Variants in PGAP1 observed in about 807,000 individuals in gnomAD.
PGAP1 encodes GPI inositol-deacylase.
A neutral mutation model predicts 127.0 loss-of-function variants in PGAP1; 76 were observed. The observed-to-expected ratio is 0.60, with a 90% confidence interval of 0.50 to 0.72. The LOEUF is 0.72. Among genes scored for constraint, PGAP1 ranks in the 30% least tolerant of loss-of-function variants. PGAP1 has a pLI of 0.00. For missense variants in PGAP1, 982 were observed against 1,071.3 expected (o/e 0.92, Z 1.16); for synonymous variants, 362 against 366.5 (o/e 0.99, Z 0.14).
intron 20 of PGAP1, among the ~76,000 whole-genome samples, chr2:196,853,424 C>T (rs963319498): frequency 1.3e-5 from 2 of 152,148 alleles, no homozygotes; most frequent in Non-Finnish European, 2.9e-5. Context: ...TTTACTTTTT[C>T]TAAGAGCCAC....
At chr2:196,845,044 A>G (rs57998611) in intron 23 of PGAP1, among the ~76,000 whole-genome samples, 18,279 of 151,750 alleles carry the variant, frequency 0.12, 1,503 homozygotes, top group African/African-American at 0.24. Flanking sequence ...ATAAGAACTG[A>G]AAAAAATCTT....
intron 2 of PGAP1, among the ~76,000 whole-genome samples, chr2:196,917,146 T>C (rs1703038630): frequency 6.6e-6 from 1 of 152,232 alleles, no homozygotes; most frequent in African/African-American, 2.4e-5. Flanking sequence ...TTATCTGAAC[T>C]ACTCTAACAG....
At chr2:196,897,833 G>A (rs756250383) in intron 6 of PGAP1, among the ~76,000 whole-genome samples, 31 of 152,300 alleles carry the variant, frequency 2.0e-4, no homozygotes, top group African/African-American at 7.0e-4. Flanking sequence ...GAGAACCTTG[G>A]TCAAACTGAA....
At chr2:196,866,975 T>C (rs1226864945) in intron 19 of PGAP1, among the ~76,000 whole-genome samples, 4 of 152,204 alleles carry the variant, frequency 2.6e-5, no homozygotes, top group Middle Eastern at 3.4e-3. Flanking sequence ...CATTAAAAAG[T>C]CAGGAAACAA....
At chr2:196,878,202 AT>A (rs1015734126) in intron 13 of PGAP1, among the ~76,000 whole-genome samples, 2 of 152,046 alleles carry the variant, frequency 1.3e-5, no homozygotes, top group African/African-American at 4.8e-5. Flanking sequence ...GAAGTGTTTG[AT>A]TTTTTTCAGA....
chr2:196,917,978 A>T (rs1703071680), intron 2 of PGAP1, among the ~76,000 whole-genome samples: 1 of 152,154 alleles, frequency 6.6e-6, no homozygotes. Flanking sequence ...CAATTTCTCC[A>T]CATCTTCACC....
chr2:196,897,673 C>T (rs974557767), intron 6 of PGAP1, among the ~76,000 whole-genome samples: 3 of 152,120 alleles, frequency 2.0e-5, no homozygotes, highest in African/African-American at 4.8e-5. Context: ...TAGTCACTGC[C>T]GGTGATTGGC....
rs1700331362 is a variant in PGAP1 at position 196,839,160 on chromosome 2, T to C, written c.*2074A>G. On this transcript the variant is annotated 3_prime_UTR_variant, in exon 27 of 27. Coordinates refer to ENST00000354764, the MANE Select transcript of PGAP1 (RefSeq NM_024989.4). The stretch of plus-strand genomic sequence containing the variant: ...AAAGAGGTTTTAGAATACATAAACA[T>C]AATATTTATGGCTATCAATAGAAGA... The C allele has an allele frequency of 1.3e-5, 2 of 152,626 alleles. No homozygotes were observed. The allele number at this position is 152,626 out of a possible 1,614,324, so 9.5% of individuals were successfully genotyped here.
intron 18 of PGAP1, among the ~76,000 whole-genome samples, 158 bp downstream of exon 18, chr2:196,872,283 G>A (rs568419134): frequency 3.9e-4 from 60 of 152,250 alleles, no homozygotes; most frequent in African/African-American, 1.4e-3. Flanking sequence ...CTAAGGTGGT[G>A]TTAATAGGAA....
Position 196,839,972 on chromosome 2 carries a change from G to A in PGAP1, c.*1262C>T, listed in dbSNP as rs1191098237. ...ACATCTAGAAGAACTCTATAAGCCG[G>A]GTATGTCTCAGCCTGAGTTTACGCT... On this transcript the variant is annotated 3_prime_UTR_variant, in exon 27 of 27. Transcript: ENST00000354764. 6.6e-6 allele frequency: 1 copy of A among 152,096 alleles called. No homozygotes were observed. The highest frequency in any genetic ancestry group is 1.5e-5 in the Non-Finnish European group (1 of 68,014). The allele number at this position is 152,096 out of a possible 1,614,324, so 9.4% of individuals were successfully genotyped here.
intron 5 of PGAP1, among the ~76,000 whole-genome samples, chr2:196,900,405 C>G (rs1702447534): frequency 6.6e-6 from 1 of 152,184 alleles, no homozygotes; most frequent in Non-Finnish European, 1.5e-5. Context: ...TTTTCCAGTC[C>G]TAATGGATGT....
chr2:196,843,506 A>C (rs1700472567), intron 25 of PGAP1, among the ~76,000 whole-genome samples: 1 of 152,204 alleles, frequency 6.6e-6, no homozygotes. Context: ...ACTTGGATGA[A>C]GTGGCCTTTT....
chr2:196,880,058 T>C lies in PGAP1; in HGVS notation c.1350+18A>G, dbSNP rs1196125307. 6.4e-7 allele frequency: 1 copy of C among 1,560,328 alleles called. No homozygotes were observed. Among genetic ancestry groups the C allele is most frequent in the Admixed American group, 1.7e-5 (1 of 58,878 alleles). ...TGTCTCCAAAACATTCTAATAACAA[T>C]CTTAACCCACTTGTTACCTTACTTC... On this transcript the variant is annotated intron_variant, in intron 13 of 26. Coordinates refer to ENST00000354764, the MANE Select transcript of PGAP1 (RefSeq NM_024989.4).
chr2:196,889,832 C>A (rs1302848490), intron 10 of PGAP1, among the ~76,000 whole-genome samples: 1 of 139,916 alleles, frequency 7.1e-6, no homozygotes, highest in Non-Finnish European at 1.5e-5. Context: ...TCACTCCAGC[C>A]TGGGTGACAG....
chr2:196,893,354 A>G lies in PGAP1; in HGVS notation c.928-109T>C, dbSNP rs539163830. 3.6e-5 allele frequency: 21 copies of G among 589,050 alleles called. No homozygotes were observed. The East Asian group carries it at 6.1e-4, about 17-fold the overall frequency. 36.5% of individuals were successfully genotyped at this position (589,050 alleles called of 1,614,324 possible). A position where few individuals can be genotyped will look rare whatever the true frequency, so the allele number is the denominator to read the frequency against. ...CAGCCAACATTTATTACTCTGAGCC[A>G]GGCACTGTTCTGAGCACTGTACATA... On this transcript the variant is annotated intron_variant, in intron 7 of 26. Transcript: ENST00000354764.
intron 19 of PGAP1, among the ~76,000 whole-genome samples, chr2:196,869,886 T>TA (rs1299791873): frequency 1.3e-5 from 2 of 152,202 alleles, no homozygotes; most frequent in Non-Finnish European, 2.9e-5. Context: ...TTAAATGACT[T>TA]AGAGTTAAAA....
chr2:196,841,667 G>A (rs1295222301), intron 26 of PGAP1, among the ~76,000 whole-genome samples: 3 of 152,004 alleles, frequency 2.0e-5, no homozygotes, highest in Admixed American at 6.6e-5. Context: ...ACAGGCGCCC[G>A]CCACCACACC....
At chr2:196,913,555 C>T (rs565534644) in intron 3 of PGAP1, among the ~76,000 whole-genome samples, 1 of 152,310 alleles carries the variant, frequency 6.6e-6, no homozygotes, top group African/African-American at 2.4e-5. Flanking sequence ...AGCAGCATTC[C>T]AAACATTTAT....
At chr2:196,868,666 T>G (rs1231326123) in intron 19 of PGAP1, among the ~76,000 whole-genome samples, 1 of 152,222 alleles carries the variant, frequency 6.6e-6, no homozygotes, top group African/African-American at 2.4e-5. Context: ...TAACTTTCAG[T>G]TCATGCTTTG....
Sources: gnomAD v4.1 joint callset for allele counts (sites outside exome capture counted in the v4.1 genomes callset) on GRCh38, gnomAD v4.1.1 for gene constraint, MANE v1.5 for transcripts, NCBI Gene and HGNC (gene_info 2026-07-23, HGNC 2026-07-21) for gene names.